The following ATP8A1 variants were observed in gnomAD, a reference collection of about 807,000 sequenced individuals.
The protein encoded by ATP8A1 is phospholipid-transporting ATPase IA.
ATP8A1 carries 90 observed loss-of-function variants against 177.7 expected under a neutral mutation model. The observed-to-expected ratio is 0.51, with a 90% confidence interval of 0.43 to 0.60. The LOEUF (loss-of-function observed/expected upper bound fraction) is 0.60. Among genes scored for constraint, ATP8A1 ranks in the 20% least tolerant of loss-of-function variants. The probability of loss-of-function intolerance (pLI) is 0.00; values close to 1 mark genes in which losing one functional copy is unlikely to be tolerated. For missense variants in ATP8A1, 1,072 were observed against 1,392.8 expected, an observed-to-expected ratio of 0.77 and a Z score of 3.67; for synonymous variants, 493 against 485.9, an observed-to-expected ratio of 1.01 and a Z score of -0.19.
chr4:42,443,762 T>G lies in ATP8A1; in HGVS notation c.3016-90A>C, dbSNP rs1716902321. On this transcript the variant is annotated intron_variant, in intron 32 of 36. Transcript: ENST00000381668. ...AACTCTCTCAAATTCCCTTATTAAC[T>G]TTTTATTATATCCATAAAAATATTA... The G allele has an allele frequency of 4.6e-6, 3 of 653,330 alleles. No individual in the cohort carries two copies. The South Asian group carries it at 5.4e-5, about 12-fold the overall frequency. 40.5% of individuals were successfully genotyped at this position (653,330 alleles called of 1,614,324 possible). A position where few individuals can be genotyped will look rare whatever the true frequency, so the allele number is the denominator to read the frequency against.
intron 1 of ATP8A1, among the ~76,000 whole-genome samples, chr4:42,636,156 A>ACGCGCGCGTGCGCGCG (rs1553920759): frequency 1.1e-5 from 1 of 90,898 alleles, no homozygotes; most frequent in African/African-American, 3.3e-5. Context: ...ACACACACAC[A>ACGCGCGCGTGCGCGCG]CGCACACACA....
intron 22 of ATP8A1, among the ~76,000 whole-genome samples, chr4:42,518,099 T>G (rs1725742829): frequency 6.6e-6 from 1 of 152,196 alleles, no homozygotes; most frequent in African/African-American, 2.4e-5. Context: ...CCCAAAGGAA[T>G]AAGGATTCAA....
Position 42,420,012 on chromosome 4 carries a change from C to A in ATP8A1, c.3305+2795G>T, listed in dbSNP as rs544479185. ...TGCAAGACTCCGTCTCAAAAAAAAA[C>A]AAACAAACAAAAAAAAAAAACTGCT... is the stretch of plus-strand genomic sequence containing the variant. On this transcript the variant is annotated intron_variant, in intron 35 of 36. Coordinates refer to ENST00000381668, the MANE Select transcript of ATP8A1 (RefSeq NM_006095.2). Among the ~76,000 whole-genome samples the A allele has an allele frequency of 4.4e-4, 55 of 123,986 alleles. No individual in the cohort carries two copies. In the South Asian group the frequency reaches 0.012, roughly 26 times the overall value. 81.3% of individuals were successfully genotyped at this position (123,986 alleles called of 152,430 possible).
chr4:42,592,506 T>C (rs1022932235), intron 6 of ATP8A1, among the ~76,000 whole-genome samples: 1 of 152,172 alleles, frequency 6.6e-6, no homozygotes, highest in Non-Finnish European at 1.5e-5. Flanking sequence ...ATTTAACGGT[T>C]CAGCCTATAT....
At chr4:42,608,242 T>G (rs1328129573) in intron 5 of ATP8A1, among the ~76,000 whole-genome samples, 1 of 149,290 alleles carries the variant, frequency 6.7e-6, no homozygotes, top group Non-Finnish European at 1.5e-5. Context: ...TGACTTACAC[T>G]CTAACATCAG....
chr4:42,545,783 G>C (rs948970465), intron 19 of ATP8A1, among the ~76,000 whole-genome samples: 1 of 152,148 alleles, frequency 6.6e-6, no homozygotes, highest in Non-Finnish European at 1.5e-5. Flanking sequence ...AGACCAGCCT[G>C]GCCAACATGG....
intron 24 of ATP8A1, among the ~76,000 whole-genome samples, chr4:42,501,751 G>A (rs748154907): frequency 1.1e-4 from 17 of 152,148 alleles, no homozygotes; most frequent in Non-Finnish European, 2.4e-4. Context: ...GGAGCTACGC[G>A]AAGTGATGTT....
chr4:42,500,103 G>A (rs2153192663), intron 24 of ATP8A1, among the ~76,000 whole-genome samples: 1 of 152,308 alleles, frequency 6.6e-6, no homozygotes, highest in East Asian at 1.9e-4. Flanking sequence ...AGTGGCTCAT[G>A]CCTGTAATCC....
intron 14 of ATP8A1, among the ~76,000 whole-genome samples, chr4:42,572,479 C>T (rs568687089): frequency 6.6e-6 from 1 of 152,290 alleles, no homozygotes; most frequent in African/African-American, 2.4e-5. Context: ...TTCTCCAAAA[C>T]TTTCAGACAT....
chr4:42,581,219 C>T (rs981901633), intron 10 of ATP8A1, among the ~76,000 whole-genome samples: 7 of 152,094 alleles, frequency 4.6e-5, no homozygotes, highest in South Asian at 2.1e-4. Context: ...CTGCAAGCTC[C>T]GCCTCCTGGA....
rs983349457 is a variant in ATP8A1 at position 42,410,828 on chromosome 4, A to C, written c.*2088T>G. ...TTATATCCATAATGTTTTTATATTAAAATTCTGCAGAAGGGTGCCACTGAT... is the reference window on the plus strand; with the variant it reads ...TTATATCCATAATGTTTTTATATTACAATTCTGCAGAAGGGTGCCACTGAT... On this transcript the variant is annotated 3_prime_UTR_variant, in exon 37 of 37. Transcript: ENST00000381668. 1 of 152,202 alleles carries C rather than the reference A, an allele frequency of 6.6e-6. No homozygotes were observed. Among genetic ancestry groups the C allele is most frequent in the Non-Finnish European group, 1.5e-5 (1 of 68,036 alleles). 9.4% of individuals were successfully genotyped at this position (152,202 alleles called of 1,614,324 possible). A position where few individuals can be genotyped will look rare whatever the true frequency, so the allele number is the denominator to read the frequency against.
chr4:42,574,755 C>A, intron 13 of ATP8A1, 48 bp from the exon 14 acceptor site: 1 of 1,309,954 alleles, frequency 7.6e-7, no homozygotes, highest in Non-Finnish European at 1.1e-6. Flanking sequence ...GTCTTTATGC[C>A]ACTCTTTTAC....
chr4:42,553,044 T>C (rs1560451066), intron 16 of ATP8A1, among the ~76,000 whole-genome samples: 3 of 152,214 alleles, frequency 2.0e-5, no homozygotes. Context: ...ATAGCTGTTA[T>C]ACACTGGGGG....
At chr4:42,556,842 C>T (rs1730290291) in intron 15 of ATP8A1, among the ~76,000 whole-genome samples, 1 of 152,056 alleles carries the variant, frequency 6.6e-6, no homozygotes, top group African/African-American at 2.4e-5. Context: ...AGGTTTAGTG[C>T]ACAGAAGAAA....
intron 4 of ATP8A1, among the ~76,000 whole-genome samples, chr4:42,622,216 G>GGAA (rs1737539142): frequency 7.3e-6 from 1 of 137,716 alleles, no homozygotes; most frequent in Non-Finnish European, 1.6e-5. Flanking sequence ...TCTCTACTAG[G>GGAA]AAAAAAAAAA....
At chr4:42,546,431 T>G (rs1260578338) in intron 19 of ATP8A1, among the ~76,000 whole-genome samples, 1 of 60,776 alleles carries the variant, frequency 1.6e-5, no homozygotes, top group East Asian at 6.0e-4. Flanking sequence ...GGGACTGTTG[T>G]GGGGTGGGGG....
intron 20 of ATP8A1, among the ~76,000 whole-genome samples, chr4:42,528,266 T>C (rs571451653): frequency 1.3e-4 from 20 of 152,276 alleles, no homozygotes; most frequent in Non-Finnish European, 2.4e-4. Flanking sequence ...GGGTGAGGGC[T>C]ATTACGGTGG....
chr4:42,438,645 C>T (rs1716268008), intron 33 of ATP8A1, among the ~76,000 whole-genome samples: 1 of 151,700 alleles, frequency 6.6e-6, no homozygotes, highest in African/African-American at 2.4e-5. Flanking sequence ...TGTTCAGGGC[C>T]CTGGGAAAAG....
chr4:42,538,640 A>G (rs148304604), intron 20 of ATP8A1, among the ~76,000 whole-genome samples: 1,554 of 152,370 alleles, frequency 0.01, 23 homozygotes, highest in African/African-American at 0.036. Flanking sequence ...CAAATGGTGA[A>G]CAAACACATG....
Sources: gnomAD v4.1 joint callset for allele counts (sites outside exome capture counted in the v4.1 genomes callset) on GRCh38, gnomAD v4.1.1 for gene constraint, MANE v1.5 for transcripts, NCBI Gene and HGNC (gene_info 2026-07-23, HGNC 2026-07-21) for gene names.